The following ANKRD30B variants were observed in gnomAD, a reference collection of about 807,000 sequenced individuals.
ANKRD30B encodes the protein ankyrin repeat domain-containing protein 30B.
ANKRD30B carries 144 observed loss-of-function variants against 202.2 expected under a neutral mutation model. The observed-to-expected ratio is 0.71, with a 90% CI of 0.62 to 0.82. The LOEUF (loss-of-function observed/expected upper bound fraction) is 0.82. Among genes scored for constraint, ANKRD30B ranks in the 40% least tolerant of loss-of-function variants. The probability of loss-of-function intolerance (pLI) is 0.00; values close to 1 mark genes in which losing one functional copy is unlikely to be tolerated. For synonymous variants in ANKRD30B, 508 were observed against 561.3 expected, an observed-to-expected ratio of 0.91 and a Z score of 1.34; for missense variants, 1,487 against 1,669.1, an observed-to-expected ratio of 0.89 and a Z score of 1.90.
intron 22 of ANKRD30B, among the ~76,000 whole-genome samples, chr18:14,800,448 C>A (rs1026122028): frequency 7.9e-5 from 12 of 151,036 alleles, no homozygotes; most frequent in Admixed American, 3.9e-4. Flanking sequence ...CCTGGGCCTC[C>A]CAAGTAGCTG....
At chr18:14,885,163 C>T in the ANKRD30B span, among the ~76,000 whole-genome samples, 1 of 152,170 alleles carries the variant, frequency 6.6e-6, no homozygotes, top group African/African-American at 2.4e-5. Context: ...CAGTAATCAC[C>T]TATACTGACT....
At chr18:14,888,845 TA>T in the ANKRD30B span, 2 of 942,914 alleles carry the variant, frequency 2.1e-6, no homozygotes, top group Admixed American at 2.3e-5. Context: ...ATATGTGTTG[TA>T]ATGGTTTTCC....
At chr18:14,798,902 C>T (rs539603162) in intron 20 of ANKRD30B, among the ~76,000 whole-genome samples, 199 bp from the exon 21 acceptor site, 2 of 152,206 alleles carry the variant, frequency 1.3e-5, no homozygotes, top group South Asian at 4.1e-4. Flanking sequence ...ATCTTTCATT[C>T]CATAGCAACA....
chr18:14,848,540 CAA>C (rs1396506966), intron 39 of ANKRD30B, among the ~76,000 whole-genome samples, 174 bp from the exon 40 acceptor site: 2 of 151,758 alleles, frequency 1.3e-5, no homozygotes, highest in Non-Finnish European at 2.9e-5. Flanking sequence ...TTAAGCTAAA[CAA>C]GAGCAGAGTT....
the ANKRD30B span, among the ~76,000 whole-genome samples, chr18:14,933,660 G>T: frequency 6.6e-6 from 1 of 152,114 alleles, no homozygotes; most frequent in Non-Finnish European, 1.5e-5. Flanking sequence ...GGAGATATGC[G>T]TGCAAGCGGG....
chr18:14,829,938 A>G (rs1244242374), intron 33 of ANKRD30B, among the ~76,000 whole-genome samples: 1 of 152,156 alleles, frequency 6.6e-6, no homozygotes, highest in Non-Finnish European at 1.5e-5. Context: ...CTCTTTTTCC[A>G]AGCCTCTGAT....
intron 16 of ANKRD30B, among the ~76,000 whole-genome samples, chr18:14,795,393 C>T (rs1008615722): frequency 4.6e-5 from 7 of 152,248 alleles, no homozygotes; most frequent in East Asian, 3.9e-4. Context: ...GACAGGGTTT[C>T]GCTATTTTGG....
chr18:14,880,715 A>G, the ANKRD30B span, among the ~76,000 whole-genome samples: 21 of 151,648 alleles, frequency 1.4e-4, no homozygotes, highest in African/African-American at 3.9e-4. Flanking sequence ...ATAGGCATGC[A>G]CCACCGTGCT....
the ANKRD30B span, among the ~76,000 whole-genome samples, chr18:14,895,889 G>C: frequency 0.015 from 2,236 of 152,224 alleles, 47 homozygotes; most frequent in African/African-American, 0.051. Context: ...ATGAAAAGCT[G>C]AATCACAGGG....
chr18:14,919,084 A>G, the ANKRD30B span, among the ~76,000 whole-genome samples: 1 of 152,222 alleles, frequency 6.6e-6, no homozygotes, highest in Non-Finnish European at 1.5e-5. Flanking sequence ...ACTCGGTTCC[A>G]GGTATCCTGT....
chr18:14,761,067 A>G (rs1915182399), intron 6 of ANKRD30B, among the ~76,000 whole-genome samples: 1 of 152,200 alleles, frequency 6.6e-6, no homozygotes, highest in Non-Finnish European at 1.5e-5. Flanking sequence ...TATATTTATA[A>G]ATAAATGTTA....
At chr18:14,931,476 A>G in the ANKRD30B span, among the ~76,000 whole-genome samples, 3 of 151,912 alleles carry the variant, frequency 2.0e-5, no homozygotes, top group East Asian at 5.8e-4. Flanking sequence ...TCACATGGAA[A>G]CCCACTAGGC....
chr18:14,799,538 A>C (rs1324720694), intron 22 of ANKRD30B, among the ~76,000 whole-genome samples: 7 of 152,124 alleles, frequency 4.6e-5, no homozygotes, highest in Admixed American at 2.6e-4. Context: ...GATAGTATAA[A>C]GTTTCCAATT....
intron 42 of ANKRD30B, 106 bp downstream of exon 42, chr18:14,852,526 T>C: frequency 2.3e-6 from 3 of 1,331,578 alleles, no homozygotes; most frequent in Non-Finnish European, 2.9e-6. Flanking sequence ...AGATGATAAA[T>C]GTACTTACTA....
the ANKRD30B span, chr18:14,889,879 T>A: frequency 2.1e-6 from 1 of 478,736 alleles, no homozygotes; most frequent in Non-Finnish European, 3.7e-6. Context: ...AAAATCATTA[T>A]ATTACACAGT....
chr18:14,890,455 T>C, the ANKRD30B span, among the ~76,000 whole-genome samples: 5 of 151,816 alleles, frequency 3.3e-5, no homozygotes, highest in African/African-American at 7.2e-5. Flanking sequence ...ATTGCTCTTA[T>C]GTATTAACTC....
chr18:14,791,654 T>C (rs1406770552), intron 16 of ANKRD30B, among the ~76,000 whole-genome samples, 163 bp downstream of exon 16: 7 of 152,146 alleles, frequency 4.6e-5, no homozygotes, highest in Non-Finnish European at 7.4e-5. Flanking sequence ...CAGGTGTTGG[T>C]AACAGAGTAT....
At chr18:14,918,937 T>C in the ANKRD30B span, among the ~76,000 whole-genome samples, 1 of 152,152 alleles carries the variant, frequency 6.6e-6, no homozygotes, top group Non-Finnish European at 1.5e-5. Context: ...TCACAGAAAT[T>C]AGTTCACTGA....
chr18:14,872,986 T>G, the ANKRD30B span, among the ~76,000 whole-genome samples: 1 of 152,236 alleles, frequency 6.6e-6, no homozygotes, highest in East Asian at 1.9e-4. Context: ...TGATCCTGGA[T>G]GTAGAGTTGC....
Sources: gnomAD v4.1 joint callset for allele counts (sites outside exome capture counted in the v4.1 genomes callset) on GRCh38, gnomAD v4.1.1 for gene constraint, MANE v1.5 for transcripts, NCBI Gene and HGNC (gene_info 2026-07-23, HGNC 2026-07-21) for gene names.